The following MYT1L variants were observed in gnomAD, a reference collection of about 807,000 sequenced individuals.
MYT1L encodes myelin transcription factor 1 like, also known as myelin transcription factor 1-like protein.
MYT1L carries 12 observed loss-of-function variants against 126.7 expected under a neutral mutation model. The ratio of observed to expected loss-of-function variants is 0.09; its 90% CI spans 0.06 to 0.15. MYT1L has a LOEUF of 0.15. Ranked by LOEUF, MYT1L falls within the 10% of genes least tolerant of loss-of-function variation. The pLI is 1.00. For missense variants in MYT1L, 979 were observed against 1,585.2 expected (o/e 0.62, Z 6.49); for synonymous variants, 541 against 604.2 (o/e 0.90, Z 1.53).
chr2:1,904,272 C>G (rs1044324339), intron 13 of MYT1L, among the ~76,000 whole-genome samples: 1 of 152,196 alleles, frequency 6.6e-6, no homozygotes, highest in Admixed American at 6.5e-5. Context: ...TGTCCTCCCC[C>G]TCGACAGCTC....
intron 13 of MYT1L, among the ~76,000 whole-genome samples, chr2:1,903,683 G>A (rs1315782268): frequency 1.3e-5 from 2 of 152,018 alleles, no homozygotes; most frequent in Admixed American, 6.6e-5. Context: ...ATGTTGCCTC[G>A]ATAAAAAATC....
intron 3 of MYT1L, among the ~76,000 whole-genome samples, chr2:2,089,200 C>T (rs898512948): frequency 1.6e-4 from 24 of 152,272 alleles, no homozygotes; most frequent in African/African-American, 5.5e-4. Context: ...TAACTTCGAG[C>T]AATTTTGGGG....
At chr2:1,966,341 G>A (rs775614648) in intron 8 of MYT1L, among the ~76,000 whole-genome samples, 12 of 152,176 alleles carry the variant, frequency 7.9e-5, no homozygotes, top group East Asian at 1.9e-4. Context: ...AAAAACGATC[G>A]TTTTAAAAAC....
intron 8 of MYT1L, among the ~76,000 whole-genome samples, chr2:1,950,713 G>A (rs1478996997): frequency 6.6e-6 from 1 of 152,230 alleles, no homozygotes; most frequent in Non-Finnish European, 1.5e-5. Flanking sequence ...GTCAGAGGCT[G>A]GAGGTGTGAG....
Position 1,979,072 on chromosome 2 carries a change from A to G in MYT1L, c.152+93T>C. ...AAGGCATAATGTGTATTGCTTTCCA[A>G]GAACACCTGCTCACACAGTTCATCA... is the stretch of plus-strand genomic sequence containing the variant. On this transcript the variant is annotated intron_variant, in intron 8 of 24. Coordinates refer to ENST00000647738, the MANE Select transcript of MYT1L (RefSeq NM_001303052.2). The surrounding 1 kb of genome is among the most constrained non-coding windows in gnomAD (Gnocchi z 4.0). The G allele has an allele frequency of 9.8e-7, 1 of 1,015,578 alleles. No homozygotes were observed. The highest frequency in any genetic ancestry group is 1.5e-6 in the Non-Finnish European group (1 of 667,000). 62.9% of individuals were successfully genotyped at this position (1,015,578 alleles called of 1,614,324 possible).
chr2:2,023,909 G>C (rs2065281398), intron 4 of MYT1L, among the ~76,000 whole-genome samples: 1 of 152,098 alleles, frequency 6.6e-6, no homozygotes, highest in African/African-American at 2.4e-5. Flanking sequence ...CACTGGATTA[G>C]GCACCTTTGA....
rs1305493363 is a variant in MYT1L, at chr2:1,950,940, C to T, written c.153-7606G>A. Among the ~76,000 whole-genome samples, 8 of 152,174 alleles carry T rather than the reference C, an allele frequency of 5.3e-5. No homozygotes were observed. In the East Asian group the frequency reaches 5.8e-4, roughly 11 times the overall value. Reference sequence around the variant, plus strand: ...GGTCATAGGTTGGCCTGGGAAGGTACAGGTAGGACATGCAGGAGTGAGGTG... The same window carrying T: ...GGTCATAGGTTGGCCTGGGAAGGTATAGGTAGGACATGCAGGAGTGAGGTG... On this transcript the variant is annotated intron_variant, in intron 8 of 24. Coordinates refer to ENST00000647738, the MANE Select transcript of MYT1L (RefSeq NM_001303052.2).
At position 2,019,390 on chromosome 2, in the gene MYT1L, A is replaced by G. The variant is rs565317922; in HGVS notation, c.-157-22043T>C. Among the ~76,000 whole-genome samples, 9 of 152,256 alleles carry G rather than the reference A, an allele frequency of 5.9e-5. No homozygotes were observed. The South Asian group carries it at 1.5e-3, about 25-fold the overall frequency. ...CTCAGCCTTGTGGAACTGTGAGTCA[A>G]TTAAACCTCTTTCCCTCATAATTAC... On this transcript the variant is annotated intron_variant, in intron 4 of 24. Coordinates refer to ENST00000647738, the MANE Select transcript of MYT1L (RefSeq NM_001303052.2).
intron 3 of MYT1L, among the ~76,000 whole-genome samples, chr2:2,127,262 T>C (rs936330924): frequency 1.3e-5 from 2 of 152,166 alleles, no homozygotes; most frequent in Non-Finnish European, 2.9e-5. Context: ...ATATGTGTTT[T>C]AGAATTAGAC....
chr2:2,260,252 T>C (rs1354155322), intron 2 of MYT1L, among the ~76,000 whole-genome samples: 1 of 152,196 alleles, frequency 6.6e-6, no homozygotes, highest in East Asian at 1.9e-4. Flanking sequence ...ACCCCATCTG[T>C]GAAATGGGCA....
intron 2 of MYT1L, among the ~76,000 whole-genome samples, chr2:2,262,939 G>GAGATATATATATATATATATAT (rs1466512652): frequency 3.8e-5 from 2 of 51,992 alleles, no homozygotes; most frequent in Non-Finnish European, 7.2e-5. Flanking sequence ...TATAACCTGT[G>GAGATATATATATATATATATAT]ATATATATAT....
At chr2:2,189,004 T>C (rs544143500) in intron 2 of MYT1L, among the ~76,000 whole-genome samples, 1 of 152,292 alleles carries the variant, frequency 6.6e-6, no homozygotes, top group East Asian at 1.9e-4. Flanking sequence ...GAAATTAATT[T>C]GAGCTGCTGC....
intron 8 of MYT1L, among the ~76,000 whole-genome samples, chr2:1,947,598 G>T (rs1200219747): frequency 6.6e-6 from 1 of 152,202 alleles, no homozygotes; most frequent in Non-Finnish European, 1.5e-5. Context: ...CAGCTGGCTG[G>T]CTCCCTTGCA....
At chr2:2,003,277 C>T (rs189505400) in intron 4 of MYT1L, among the ~76,000 whole-genome samples, 65 of 152,280 alleles carry the variant, frequency 4.3e-4, no homozygotes, top group Admixed American at 1.8e-3. Flanking sequence ...GGCTTTTCCA[C>T]GTGACGTTTC....
chr2:1,912,896 C>T lies in MYT1L; in HGVS notation c.1619-786G>A, dbSNP rs767322163. On this transcript the variant is annotated intron_variant, in intron 11 of 24. Coordinates refer to ENST00000647738, the MANE Select transcript of MYT1L (RefSeq NM_001303052.2). The surrounding 1 kb of genome is among the most constrained non-coding windows in gnomAD (Gnocchi z 4.3). ...TCCTTCTTTTCTGGTCCTTCATGAACGCTCTACTACTCTGGGTTCTGGGGG... is the reference window on the plus strand; with the variant it reads ...TCCTTCTTTTCTGGTCCTTCATGAATGCTCTACTACTCTGGGTTCTGGGGG... Among the ~76,000 whole-genome samples the T allele has an allele frequency of 2.2e-4, 34 of 152,166 alleles. No individual in the cohort carries two copies. Among genetic ancestry groups the T allele is most frequent in the Admixed American group, 3.9e-4 (6 of 15,290 alleles).
intron 1 of MYT1L, among the ~76,000 whole-genome samples, chr2:2,294,471 G>A (rs1344851230): frequency 6.6e-6 from 1 of 152,178 alleles, no homozygotes; most frequent in African/African-American, 2.4e-5. Context: ...GCCCGCGCCT[G>A]ATGCAGTTCA....
chr2:2,001,362 A>T (rs947681572), intron 4 of MYT1L, among the ~76,000 whole-genome samples: 4 of 150,830 alleles, frequency 2.7e-5, no homozygotes, highest in African/African-American at 9.8e-5. Context: ...TTTAATTTTC[A>T]AAATTAGGTT....
At chr2:1,968,684 T>C (rs931204889) in intron 8 of MYT1L, among the ~76,000 whole-genome samples, 10 of 152,148 alleles carry the variant, frequency 6.6e-5, no homozygotes, top group African/African-American at 2.4e-4. Context: ...CAGGCAGTCC[T>C]TTCTGAATAA....
At chr2:2,082,655 G>A (rs1328886909) in intron 3 of MYT1L, among the ~76,000 whole-genome samples, 3 of 152,168 alleles carry the variant, frequency 2.0e-5, no homozygotes, top group Non-Finnish European at 2.9e-5. Flanking sequence ...CAGAGTTCCA[G>A]GAGTAATGCA....
Sources: allele counts gnomAD v4.1 joint callset (sites outside exome capture counted in the v4.1 genomes callset), GRCh38; gene constraint gnomAD v4.1.1; non-coding constraint Gnocchi (gnomAD v3.1); transcripts MANE v1.5; gene names NCBI Gene and HGNC (gene_info 2026-07-23, HGNC 2026-07-21).